The following WDR33 variants were observed in gnomAD, a reference collection of about 807,000 sequenced individuals.
The protein encoded by WDR33 is WD repeat domain 33, also known as pre-mRNA 3' end processing protein WDR33.
In WDR33, 47 loss-of-function variants were observed where a neutral mutation model predicts 164.9. The ratio of observed to expected loss-of-function variants is 0.29; its 90% CI spans 0.23 to 0.36. The LOEUF is 0.36. Among genes scored for constraint, WDR33 ranks in the 10% least tolerant of loss-of-function variants. The pLI is 1.00. For synonymous variants in WDR33, 505 were observed against 589.0 expected (o/e 0.86, Z 2.06); for missense variants, 1,137 against 1,754.1 (o/e 0.65, Z 6.28).
rs907192019 is a variant in WDR33 at position 127,763,784 on chromosome 2, CAAG to C, written c.627-628_627-626del. 5.1e-6 allele frequency: 5 copies of C among 985,368 alleles called. No homozygotes were observed. Among genetic ancestry groups the C allele is most frequent in the East Asian group, 2.3e-4 (2 of 8,832 alleles). 61.0% of individuals were successfully genotyped at this position (985,368 alleles called of 1,614,324 possible). On this transcript the variant is annotated intron_variant, in intron 6 of 21. Transcript: ENST00000322313. The surrounding 1 kb of genome is among the most constrained non-coding windows in gnomAD (Gnocchi z 4.5). ...GTGTGTAAAGCCAAAGAATCTGCTGCAAGAAGGAGTCAGTTTTTCCCAGCAGTG... is the reference window on the plus strand; with the variant it reads ...GTGTGTAAAGCCAAAGAATCTGCTGCAAGGAGTCAGTTTTTCCCAGCAGTG...
Position 127,772,094 on chromosome 2 carries a change from G to A in WDR33, c.-23-1090C>T, listed in dbSNP as rs139127481. Among the ~76,000 whole-genome samples the A allele has an allele frequency of 8.1e-4, 123 of 152,146 alleles. 1 individual carries two copies. In the East Asian group the frequency reaches 0.024, roughly 29 times the overall value. On this transcript the variant is annotated intron_variant, in intron 1 of 21. Coordinates refer to ENST00000322313, the MANE Select transcript of WDR33 (RefSeq NM_018383.5). ...TCCTCACACTTTGGCCTCCTAAAGT[G>A]CTGGGATTACAGGCATGAGCCACCA...
chr2:127,809,946 G>T (rs1689587475), intron 1 of WDR33, among the ~76,000 whole-genome samples: 1 of 152,050 alleles, frequency 6.6e-6, no homozygotes, highest in Non-Finnish European at 1.5e-5. Flanking sequence ...TGCAATTAAG[G>T]CGAGGAAATG....
Position 127,731,317 on chromosome 2 carries a change from A to AAC in WDR33, c.725-4542_725-4541dup, listed in dbSNP as rs1553473222. Among the ~76,000 whole-genome samples, 189 of 143,878 alleles carry AAC rather than the reference A, an allele frequency of 1.3e-3. 1 individual carries two copies. The highest frequency in any genetic ancestry group is 4.9e-3 in the African/African-American group (181 of 36,790). The allele number at this position is 143,878 out of a possible 152,430, so 94.4% of individuals were successfully genotyped here. On this transcript the variant is annotated intron_variant, in intron 7 of 21. Transcript: ENST00000322313. ...CTCAAAAAAAAAAAAAAAAAAAAAA[A>AAC]ACACAGAAAAGCAAAAATTAAATTT...
rs1441535883 is a variant in WDR33, at chr2:127,703,993, C to T, written c.*2330G>A. 2 of 166,656 alleles carry T rather than the reference C, an allele frequency of 1.2e-5. No individual in the cohort carries two copies. Among genetic ancestry groups the T allele is most frequent in the South Asian group, 2.1e-4 (1 of 4,810 alleles). 10.3% of individuals were successfully genotyped at this position (166,656 alleles called of 1,614,324 possible). A position where few individuals can be genotyped will look rare whatever the true frequency, so the allele number is the denominator to read the frequency against. Reference sequence around the variant, plus strand: ...AAAATTTGCCAGATATGGTGGCACACAACTGTGATCCCAGCTACTTGGGGT... The same window carrying T: ...AAAATTTGCCAGATATGGTGGCACATAACTGTGATCCCAGCTACTTGGGGT... On this transcript the variant is annotated 3_prime_UTR_variant, in exon 22 of 22. Transcript: ENST00000322313.
chr2:127,745,761 A>C (rs192688571), intron 7 of WDR33, among the ~76,000 whole-genome samples: 119 of 152,284 alleles, frequency 7.8e-4, no homozygotes, highest in African/African-American at 2.7e-3. Context: ...AAGTCTGTAG[A>C]GTAACTCGGT....
At chr2:127,743,701 G>C (rs1326532912) in intron 7 of WDR33, among the ~76,000 whole-genome samples, 1 of 152,124 alleles carries the variant, frequency 6.6e-6, no homozygotes, top group Non-Finnish European at 1.5e-5. Flanking sequence ...AAGGAATATT[G>C]GCTAAAGTTG....
chr2:127,711,749 C>CAGATATATAT (rs1245450293), intron 18 of WDR33, among the ~76,000 whole-genome samples: 2 of 79,812 alleles, frequency 2.5e-5, no homozygotes, highest in African/African-American at 1.6e-4. Flanking sequence ...ACCACATATA[C>CAGATATATAT]AGATATATAT....
intron 1 of WDR33, among the ~76,000 whole-genome samples, chr2:127,783,929 A>C (rs1180647952): frequency 2.6e-5 from 4 of 151,460 alleles, no homozygotes; most frequent in Non-Finnish European, 5.9e-5. Flanking sequence ...TCTTTTAAAC[A>C]CTGAAGATTC....
rs1365878011 is a variant in WDR33, at chr2:127,720,284, G to C, written c.1741C>G (p.Pro581Ala). 3 of 1,527,688 alleles carry C rather than the reference G, an allele frequency of 2.0e-6. No individual in the cohort carries two copies. The highest frequency in any genetic ancestry group is 2.6e-6 in the Non-Finnish European group (3 of 1,138,036). 94.6% of individuals were successfully genotyped at this position (1,527,688 alleles called of 1,614,324 possible). A position where few individuals can be genotyped will look rare whatever the true frequency, so the allele number is the denominator to read the frequency against. The change falls in exon 16 of 22, where the codon CCT becomes GCT. Residue 581 changes from proline to alanine, a missense_variant. Pro to Ala is a conservative substitution (Grantham distance 27). Coordinates refer to ENST00000322313, the MANE Select transcript of WDR33 (RefSeq NM_018383.5). The surrounding 1 kb of genome is among the most constrained non-coding windows in gnomAD (Gnocchi z 5.9). The part of the protein sequence containing the change: ...QIQPPPSSGT[P>A]LLGPQPFPGQ... Reference sequence around the variant, plus strand: ...GGAAAAGGCTGGGGTCCGAGGAGAGGGGTGCCAGATGAGGGAGGAGGCTGA... The same window carrying C: ...GGAAAAGGCTGGGGTCCGAGGAGAGCGGTGCCAGATGAGGGAGGAGGCTGA...
rs958474090 is a variant in WDR33 at position 127,726,405 on chromosome 2, C to T, written c.851+246G>A. On this transcript the variant is annotated intron_variant, in intron 8 of 21. Coordinates refer to ENST00000322313, the MANE Select transcript of WDR33 (RefSeq NM_018383.5). The surrounding 1 kb of genome is among the most constrained non-coding windows in gnomAD (Gnocchi z 4.8). ...AGTAACCACCTCCCTCCTCATCCTC[C>T]TCCCCACCCGTATATAACAACCAAA... 6.6e-6 allele frequency among the ~76,000 whole-genome samples: 1 copy of T among 152,164 alleles called. No individual in the cohort carries two copies. The highest frequency in any genetic ancestry group is 1.5e-5 in the Non-Finnish European group (1 of 68,030).
intron 1 of WDR33, among the ~76,000 whole-genome samples, chr2:127,779,614 T>C (rs955588429): frequency 1.6e-4 from 25 of 152,240 alleles, no homozygotes; most frequent in African/African-American, 5.5e-4. Context: ...AATCTGTCAA[T>C]TGAAAGCCAA....
At position 127,724,063 on chromosome 2, in the gene WDR33, C is replaced by T. The variant is rs1300804166; in HGVS notation, c.1196+270G>A. Among the ~76,000 whole-genome samples, 2 of 141,944 alleles carry T rather than the reference C, an allele frequency of 1.4e-5. No homozygotes were observed. The highest frequency in any genetic ancestry group is 2.0e-4 in the East Asian group (1 of 4,952). The allele number at this position is 141,944 out of a possible 152,430, so 93.1% of individuals were successfully genotyped here. A position where few individuals can be genotyped will look rare whatever the true frequency, so the allele number is the denominator to read the frequency against. On this transcript the variant is annotated intron_variant, in intron 11 of 21. Transcript: ENST00000322313. The surrounding 1 kb of genome is among the most constrained non-coding windows in gnomAD (Gnocchi z 4.8). ...ATTGCACGCCAGCCTGGACAGAGAC[C>T]CTGTCTCAAATAAATAAATAAATAA...
intron 1 of WDR33, among the ~76,000 whole-genome samples, chr2:127,786,841 GTTC>G (rs1190150988): frequency 7.8e-5 from 7 of 90,052 alleles, no homozygotes; most frequent in Non-Finnish European, 1.4e-4. Context: ...CTTCCTTTCT[GTTC>G]TTTTTTTTTT....
At chr2:127,810,409 C>G (rs1035698315) in intron 1 of WDR33, among the ~76,000 whole-genome samples, 2 of 152,170 alleles carry the variant, frequency 1.3e-5, no homozygotes, top group African/African-American at 2.4e-5. Context: ...ATTGTCATTT[C>G]TTTTAAGAAG....
chr2:127,794,075 G>A (rs1688937515), intron 1 of WDR33, among the ~76,000 whole-genome samples: 1 of 151,912 alleles, frequency 6.6e-6, no homozygotes, highest in South Asian at 2.1e-4. Context: ...CAAGGCTGCA[G>A]TGGTCGAGGC....
Position 127,723,026 on chromosome 2 carries a change from C to G in WDR33, c.1310G>C (p.Ser437Thr). ...TCCCATTCCTGGAATTACTGCCAGG[C>G]TATTAGGTTCGAGGTCATCTATAAA... ...GVEYDDLEPN[S>T]LAVIPGMGIP... The change falls in exon 13 of 22, where the codon AGC becomes ACC. Residue 437 changes from serine (S) to threonine (T), a missense_variant. By Grantham distance (58) the Ser-to-Thr change is moderately conservative. This residue lies in a region of WDR33 where 75 missense variants were observed against 124.7 expected (regional missense o/e 0.60). Transcript: ENST00000322313. The surrounding 1 kb of genome is among the most constrained non-coding windows in gnomAD (Gnocchi z 5.9). The G allele has an allele frequency of 2.5e-6, 4 of 1,612,282 alleles. No individual in the cohort carries two copies. The highest frequency in any genetic ancestry group is 3.4e-6 in the Non-Finnish European group (4 of 1,179,360).
chr2:127,719,134 A>G lies in WDR33; in HGVS notation c.2760+131T>C. The G allele has an allele frequency of 1.7e-6, 2 of 1,165,774 alleles. No homozygotes were observed. The highest frequency in any genetic ancestry group is 2.2e-6 in the Non-Finnish European group (2 of 901,766). The allele number at this position is 1,165,774 out of a possible 1,614,324, so 72.2% of individuals were successfully genotyped here. On this transcript the variant is annotated intron_variant, in intron 16 of 21. Coordinates refer to ENST00000322313, the MANE Select transcript of WDR33 (RefSeq NM_018383.5). This position sits in a 1 kb window ranked among gnomAD's most constrained non-coding sequence, Gnocchi z 6.5. ...TTCATTCTTCAGCCAGGATGCTAGT[A>G]TCTTAAGCTACTGTCACTACTTGAT...
At chr2:127,737,966 G>A (rs772027031) in intron 7 of WDR33, 1 of 1,605,052 alleles carries the variant, frequency 6.2e-7, no homozygotes, top group Non-Finnish European at 8.5e-7. Context: ...ACAGAAGTTG[G>A]TAAATGTGGC....
In WDR33 at chr2:127,714,911, C is replaced by G. The variant is rs537635403; in HGVS notation, c.2870-890G>C. On this transcript the variant is annotated intron_variant, in intron 17 of 21. Transcript: ENST00000322313. The surrounding 1 kb of genome is among the most constrained non-coding windows in gnomAD (Gnocchi z 4.3). ...TTTAAAAGTAGGTAGCGAAAGGATA[C>G]TCTTGATTCTAAAAACAAAAACTGT... 6.6e-6 allele frequency among the ~76,000 whole-genome samples: 1 copy of G among 152,200 alleles called. No homozygotes were observed. The highest frequency in any genetic ancestry group is 1.5e-5 in the Non-Finnish European group (1 of 67,998).
Sources: gnomAD v4.1 joint callset for allele counts (sites outside exome capture counted in the v4.1 genomes callset) on GRCh38, gnomAD v4.1.1 for gene constraint, gnomAD v4.1.1 regional missense constraint, Gnocchi (gnomAD v3.1) non-coding constraint, MANE v1.5 for transcripts, NCBI Gene and HGNC (gene_info 2026-07-23, HGNC 2026-07-21) for gene names.